The following NEGR1 variants were observed in gnomAD, a reference collection of about 807,000 sequenced individuals.
NEGR1 encodes neuronal growth regulator 1, also known as IgLON family member 4.
Under a neutral mutation model 40.9 loss-of-function variants are expected in NEGR1, and 10 were observed. The ratio of observed to expected loss-of-function variants is 0.24; its 90% confidence interval spans 0.15 to 0.42. The LOEUF is 0.42. Among genes scored for constraint, NEGR1 ranks in the 10% least tolerant of loss-of-function variants. NEGR1 has a pLI of 1.00. For missense variants in NEGR1, 352 were observed against 438.9 expected, an observed-to-expected ratio of 0.80 and a Z score of 1.77; for synonymous variants, 185 against 166.8, an observed-to-expected ratio of 1.11 and a Z score of -0.84.
chr1:72,045,564 T>C (rs1442085673), intron 1 of NEGR1, among the ~76,000 whole-genome samples: 2 of 151,786 alleles, frequency 1.3e-5, no homozygotes, highest in Non-Finnish European at 2.9e-5. Context: ...ACAAGCTCTC[T>C]TTTTGCCTGG....
chr1:71,484,546 T>C (rs1411866267), intron 6 of NEGR1, among the ~76,000 whole-genome samples: 8 of 151,740 alleles, frequency 5.3e-5, no homozygotes, highest in African/African-American at 1.7e-4. Context: ...CTAGAATAAA[T>C]CAAGATATGG....
intron 3 of NEGR1, among the ~76,000 whole-genome samples, chr1:71,702,136 T>C (rs1034649369): frequency 6.6e-6 from 1 of 152,090 alleles, no homozygotes; most frequent in Non-Finnish European, 1.5e-5. Context: ...CAGAGAGCAC[T>C]GAAGGAAAAT....
At chr1:71,923,958 G>T (rs1292401009) in intron 2 of NEGR1, among the ~76,000 whole-genome samples, 1 of 151,384 alleles carries the variant, frequency 6.6e-6, no homozygotes, top group Admixed American at 6.6e-5. Flanking sequence ...ACCCAGGCTG[G>T]AGTGCAGTGG....
intron 6 of NEGR1, among the ~76,000 whole-genome samples, chr1:71,578,424 A>C (rs1649029932): frequency 6.6e-6 from 1 of 152,104 alleles, no homozygotes; most frequent in Non-Finnish European, 1.5e-5. Flanking sequence ...TTGGTAAACT[A>C]TCTTTATGGG....
At chr1:71,942,455 C>CTATCTATATA (rs1342537095) in intron 1 of NEGR1, among the ~76,000 whole-genome samples, 12 of 21,294 alleles carry the variant, frequency 5.6e-4, no homozygotes, top group East Asian at 3.3e-3. Context: ...TTCTTTAAAT[C>CTATCTATATA]TATATATATA....
chr1:71,728,672 T>C (rs1654755253), intron 3 of NEGR1, among the ~76,000 whole-genome samples: 1 of 152,188 alleles, frequency 6.6e-6, no homozygotes, highest in South Asian at 2.1e-4. Context: ...TCTCTGAACT[T>C]CATATTACTC....
chr1:71,553,895 A>T (rs575162619), intron 6 of NEGR1, among the ~76,000 whole-genome samples: 10 of 151,370 alleles, frequency 6.6e-5, no homozygotes, highest in Non-Finnish European at 1.2e-4. Context: ...TCTTTTTCTT[A>T]TTTAACATAT....
In NEGR1 at chr1:71,451,482, C is replaced by T. The variant is rs530795371; in HGVS notation, c.941-43912G>A. Among the ~76,000 whole-genome samples the T allele has an allele frequency of 2.2e-3, 340 of 151,874 alleles. 1 individual carries two copies. The highest frequency in any genetic ancestry group is 7.8e-3 in the African/African-American group (322 of 41,432). On this transcript the variant is annotated intron_variant, in intron 6 of 6. Coordinates refer to ENST00000357731, the MANE Select transcript of NEGR1 (RefSeq NM_173808.3). ...CCGAGTAGCTGGGATTACAGGTGCCCGCCACCACGCCCAGATAATTTTTTT... is the reference window on the plus strand; with the variant it reads ...CCGAGTAGCTGGGATTACAGGTGCCTGCCACCACGCCCAGATAATTTTTTT...
chr1:72,067,654 A>G (rs1428195325), intron 1 of NEGR1, among the ~76,000 whole-genome samples: 1 of 152,128 alleles, frequency 6.6e-6, no homozygotes, highest in African/African-American at 2.4e-5. Flanking sequence ...CTAACAAGAA[A>G]GATAGTCAGT....
chr1:71,804,448 C>T (rs181842569), intron 2 of NEGR1, among the ~76,000 whole-genome samples: 1 of 150,106 alleles, frequency 6.7e-6, no homozygotes, highest in Non-Finnish European at 1.5e-5. Flanking sequence ...CATGTGGAAT[C>T]ACAGTGTTGT....
At chr1:71,622,946 G>C (rs933277861) in intron 4 of NEGR1, among the ~76,000 whole-genome samples, 1 of 151,692 alleles carries the variant, frequency 6.6e-6, no homozygotes, top group East Asian at 1.9e-4. Flanking sequence ...TTACTGAATG[G>C]TTTATTATTT....
intron 1 of NEGR1, among the ~76,000 whole-genome samples, chr1:72,245,414 C>T (rs1300713125): frequency 6.6e-6 from 1 of 152,002 alleles, no homozygotes; most frequent in African/African-American, 2.4e-5. Flanking sequence ...GAGTTTCTTC[C>T]ACTTGCATAT....
At chr1:71,883,677 T>G (rs531604526) in intron 2 of NEGR1, among the ~76,000 whole-genome samples, 1 of 152,006 alleles carries the variant, frequency 6.6e-6, no homozygotes, top group African/African-American at 2.4e-5. Context: ...CTGCACCCAT[T>G]AACTCATCAT....
chr1:71,906,085 A>T (rs1354212541), intron 2 of NEGR1, among the ~76,000 whole-genome samples: 2 of 152,078 alleles, frequency 1.3e-5, no homozygotes, highest in South Asian at 4.1e-4. Flanking sequence ...TTCTGGATTC[A>T]GCTGATAAAG....
intron 1 of NEGR1, among the ~76,000 whole-genome samples, chr1:71,970,155 C>T (rs995654175): frequency 6.6e-6 from 1 of 152,004 alleles, no homozygotes; most frequent in Non-Finnish European, 1.5e-5. Flanking sequence ...AAGAAATAGC[C>T]TGGCAGAAAG....
At chr1:72,229,591 C>G (rs1654295583) in intron 1 of NEGR1, among the ~76,000 whole-genome samples, 2 of 150,484 alleles carry the variant, frequency 1.3e-5, no homozygotes, top group South Asian at 4.2e-4. Flanking sequence ...GGAAAATATA[C>G]TTAAAATAAT....
intron 6 of NEGR1, among the ~76,000 whole-genome samples, chr1:71,551,271 G>T (rs544825224): frequency 1.3e-5 from 2 of 151,502 alleles, no homozygotes; most frequent in Non-Finnish European, 3.0e-5. Flanking sequence ...TTTGGGGTAC[G>T]TACTTTCAAT....
chr1:72,277,788 C>T lies in NEGR1; in HGVS notation c.176+4531G>A, dbSNP rs144224593. ...CCTTAATGTCCTAAATTGAAAATAT[C>T]GGTAAAGTTGAACTGTGTATTTGGA... On this transcript the variant is annotated intron_variant, in intron 1 of 6. Transcript: ENST00000357731. Among the ~76,000 whole-genome samples, 780 of 152,062 alleles carry T rather than the reference C, an allele frequency of 5.1e-3. 5 individuals are homozygous for T. Among genetic ancestry groups the T allele is most frequent in the African/African-American group, 0.018 (744 of 41,488 alleles).
In NEGR1 at chr1:72,096,362, A is replaced by G. The variant is rs138893340; in HGVS notation, c.177-161051T>C. Among the ~76,000 whole-genome samples, 849 of 152,264 alleles carry G rather than the reference A, an allele frequency of 5.6e-3. 5 individuals carry two copies. Among genetic ancestry groups the G allele is most frequent in the African/African-American group, 0.019 (808 of 41,578 alleles). ...TATTACATAAGAATCTCAATAATGA[A>G]TAAGAAGTTAAACTAATAGGATAAT... On this transcript the variant is annotated intron_variant, in intron 1 of 6. Coordinates refer to ENST00000357731, the MANE Select transcript of NEGR1 (RefSeq NM_173808.3).
Sources: gnomAD v4.1 joint callset for allele counts (sites outside exome capture counted in the v4.1 genomes callset) on GRCh38, gnomAD v4.1.1 for gene constraint, MANE v1.5 for transcripts, NCBI Gene and HGNC (gene_info 2026-07-23, HGNC 2026-07-21) for gene names.